KCNAB1: variants seen among roughly 807,000 people sequenced by gnomAD.
KCNAB1 encodes potassium voltage-gated channel subfamily A regulatory beta subunit 1, also known as voltage-gated potassium channel subunit beta-1.
A neutral mutation model predicts 64.6 loss-of-function variants in KCNAB1; 35 were observed. The ratio of observed to expected loss-of-function variants is 0.54; its 90% CI spans 0.41 to 0.72. KCNAB1 has a LOEUF of 0.72. Ranked by LOEUF, KCNAB1 falls within the 30% of genes least tolerant of loss-of-function variation. KCNAB1 has a pLI of 0.00. For missense variants in KCNAB1, 401 were observed against 512.9 expected, an observed-to-expected ratio of 0.78 and a Z score of 2.11; for synonymous variants, 177 against 183.8, an observed-to-expected ratio of 0.96 and a Z score of 0.30.
intron 2 of KCNAB1, among the ~76,000 whole-genome samples, chr3:156,443,277 A>G (rs2108263913): frequency 6.6e-6 from 1 of 152,216 alleles, no homozygotes; most frequent in Middle Eastern, 3.4e-3. Context: ...ATAAGGAAGG[A>G]AGGTTAGTGG....
chr3:156,358,669 A>AT (rs60051624), intron 1 of KCNAB1, among the ~76,000 whole-genome samples: 45 of 148,692 alleles, frequency 3.0e-4, no homozygotes, highest in Middle Eastern at 7.0e-3. Context: ...TTCTCTTTCC[A>AT]TTTTTTTTTT....
At chr3:156,167,984 C>T (rs937310945) in intron 1 of KCNAB1, among the ~76,000 whole-genome samples, 1 of 152,158 alleles carries the variant, frequency 6.6e-6, no homozygotes, top group East Asian at 1.9e-4. Context: ...GGATGGATTG[C>T]TTAAGCTCAG....
chr3:156,498,886 G>T (rs575531577), intron 8 of KCNAB1, among the ~76,000 whole-genome samples: 1 of 152,184 alleles, frequency 6.6e-6, no homozygotes, highest in South Asian at 2.1e-4. Flanking sequence ...TGTAACAGGG[G>T]ATAAGCATGG....
intron 12 of KCNAB1, among the ~76,000 whole-genome samples, chr3:156,524,746 C>CAAAAAAAAAA (rs10553136): frequency 2.7e-5 from 2 of 74,456 alleles, no homozygotes; most frequent in African/African-American, 5.8e-5. Flanking sequence ...GACTCCATCT[C>CAAAAAAAAAA]AAAAAAAAAA....
intron 1 of KCNAB1, among the ~76,000 whole-genome samples, chr3:156,415,939 C>CCCCCAAT (rs1248019507): frequency 6.6e-6 from 1 of 152,148 alleles, no homozygotes; most frequent in Non-Finnish European, 1.5e-5. Flanking sequence ...AACCGTTGTT[C>CCCCCAAT]CCCCAATGTC....
At chr3:156,487,604 T>A (rs1163456345) in intron 8 of KCNAB1, among the ~76,000 whole-genome samples, 1 of 152,154 alleles carries the variant, frequency 6.6e-6, no homozygotes, top group African/African-American at 2.4e-5. Context: ...CAGCTCAGAA[T>A]TTGCTTATTC....
At chr3:156,422,177 C>T (rs1004237703) in intron 2 of KCNAB1, among the ~76,000 whole-genome samples, 1 of 152,160 alleles carries the variant, frequency 6.6e-6, no homozygotes, top group Non-Finnish European at 1.5e-5. Context: ...AAGTATTATT[C>T]CTCCCAGTCA....
At chr3:156,272,515 G>A (rs1719095035) in intron 1 of KCNAB1, among the ~76,000 whole-genome samples, 2 of 151,884 alleles carry the variant, frequency 1.3e-5, no homozygotes, top group African/African-American at 4.8e-5. Flanking sequence ...CAATACTCCC[G>A]GGCTACCACC....
chr3:156,224,422 G>A (rs1052063628), intron 1 of KCNAB1, among the ~76,000 whole-genome samples: 1 of 152,266 alleles, frequency 6.6e-6, no homozygotes, highest in African/African-American at 2.4e-5. Context: ...CAGAGTGGGC[G>A]CCAAGGCCGA....
At chr3:156,479,758 G>C (rs537611395) in intron 8 of KCNAB1, among the ~76,000 whole-genome samples, 1 of 152,046 alleles carries the variant, frequency 6.6e-6, no homozygotes, top group African/African-American at 2.4e-5. Flanking sequence ...TGCTGATAAC[G>C]GTTCCAGTTA....
In KCNAB1 at chr3:156,171,187, G is replaced by GCACACACACACACACACA. The variant is rs147202221; in HGVS notation, c.275+50307_275+50308insCACACACACACACACACA. On this transcript the variant is annotated intron_variant, in intron 1 of 13. Coordinates refer to ENST00000490337, the MANE Select transcript of KCNAB1 (RefSeq NM_172160.3). ...ACCGGCTTATAGTTAGAAACTTCACGCACACATACACACACACACACACAC... is the reference window on the plus strand; with the variant it reads ...ACCGGCTTATAGTTAGAAACTTCACGCACACACACACACACACACACACATACACACACACACACACAC... 1.4e-3 allele frequency among the ~76,000 whole-genome samples: 205 copies of GCACACACACACACACACA among 142,812 alleles called. 1 individual carries two copies. The highest frequency in any genetic ancestry group is 2.3e-3 in the Admixed American group (33 of 14,312). 93.7% of individuals were successfully genotyped at this position (142,812 alleles called of 152,430 possible).
At chr3:156,191,707 A>G (rs1236169152) in intron 1 of KCNAB1, among the ~76,000 whole-genome samples, 2 of 152,154 alleles carry the variant, frequency 1.3e-5, no homozygotes, top group African/African-American at 2.4e-5. Context: ...TCTTTTTCCC[A>G]TTGATATAAT....
chr3:156,317,401 C>T (rs1356918938), intron 1 of KCNAB1, among the ~76,000 whole-genome samples: 1 of 152,010 alleles, frequency 6.6e-6, no homozygotes, highest in Admixed American at 6.6e-5. Context: ...TATATCTCAG[C>T]CTTTAGATGA....
intron 1 of KCNAB1, among the ~76,000 whole-genome samples, chr3:156,278,231 A>G (rs1350316228): frequency 1.3e-5 from 2 of 152,222 alleles, no homozygotes; most frequent in African/African-American, 4.8e-5. Flanking sequence ...AAATTTGAAC[A>G]GAAACAAATA....
downstream of KCNAB1, chr3:156,538,753 T>G (rs542649870): frequency 2.6e-5 from 4 of 152,356 alleles, no homozygotes; most frequent in Non-Finnish European, 5.9e-5. Context: ...CACTGAATAC[T>G]CAACAGAAAT....
intron 1 of KCNAB1, among the ~76,000 whole-genome samples, chr3:156,290,332 T>C (rs1290547293): frequency 6.6e-6 from 1 of 152,194 alleles, no homozygotes; most frequent in Non-Finnish European, 1.5e-5. Context: ...TTCAGAAATA[T>C]TGTTGCGTTA....
chr3:156,200,923 G>A lies in KCNAB1; in HGVS notation c.275+80037G>A, dbSNP rs566644726. On this transcript the variant is annotated intron_variant, in intron 1 of 13. Transcript: ENST00000490337. The stretch of plus-strand genomic sequence containing the variant: ...CAGTGTCTGCCCAAACAGCCAACCA[G>A]TTTTGTGCTTGAAACCCAGGGCCCT... Among the ~76,000 whole-genome samples the A allele has an allele frequency of 8.5e-5, 13 of 152,344 alleles. No individual in the cohort carries two copies. In the South Asian group the frequency reaches 2.7e-3, roughly 32 times the overall value.
Position 156,128,571 on chromosome 3 carries a change from C to A in KCNAB1, c.275+7685C>A, listed in dbSNP as rs114784096. 9.0e-3 allele frequency among the ~76,000 whole-genome samples: 1,375 copies of A among 152,288 alleles called. 30 individuals carry two copies. The highest frequency in any genetic ancestry group is 0.032 in the African/African-American group (1,324 of 41,558). On this transcript the variant is annotated intron_variant, in intron 1 of 13. Coordinates refer to ENST00000490337, the MANE Select transcript of KCNAB1 (RefSeq NM_172160.3). ...TCTTGTCGTGCATTATCTCATTTGC[C>A]TTCACATGACATAGAGCAGGTGTTC...
At chr3:156,420,685 C>T (rs1715407729) in intron 1 of KCNAB1, among the ~76,000 whole-genome samples, 2 of 152,166 alleles carry the variant, frequency 1.3e-5, no homozygotes, top group Admixed American at 6.5e-5. Context: ...TTCAGCTTTG[C>T]CTGCTCACTT....
Sources: allele counts gnomAD v4.1 joint callset (sites outside exome capture counted in the v4.1 genomes callset), GRCh38; gene constraint gnomAD v4.1.1; transcripts MANE v1.5; gene names NCBI Gene and HGNC (gene_info 2026-07-23, HGNC 2026-07-21).